The following RFX4 variants were observed in gnomAD, a reference collection of about 807,000 sequenced individuals.
RFX4 encodes the protein transcription factor RFX4.
In RFX4, 10 loss-of-function variants were observed where a neutral mutation model predicts 95.0. The ratio of observed to expected loss-of-function variants is 0.11; its 90% CI spans 0.06 to 0.18. The LOEUF is 0.18. Among genes scored for constraint, RFX4 ranks in the 10% least tolerant of loss-of-function variants. The pLI is 1.00. For missense variants in RFX4, 640 were observed against 922.0 expected (o/e 0.69, Z 3.96); for synonymous variants, 321 against 340.7 (o/e 0.94, Z 0.64).
chr12:106,718,132 TGGCTGGGATCCCTGG>T (rs2042327769), intron 11 of RFX4, among the ~76,000 whole-genome samples: 1 of 152,178 alleles, frequency 6.6e-6, no homozygotes, highest in African/African-American at 2.4e-5. Flanking sequence ...CAAGTTCTGT[TGGCTGGGATCCCTGG>T]GGCTGGGATG....
chr12:106,628,416 A>C (rs2040347688), intron 2 of RFX4, among the ~76,000 whole-genome samples: 1 of 152,194 alleles, frequency 6.6e-6, no homozygotes, highest in South Asian at 2.1e-4. Flanking sequence ...GGAAAACAAA[A>C]TAGACCATAA....
In RFX4 at chr12:106,720,629, C is replaced by T. The variant is rs373467664; in HGVS notation, c.1234-130C>T. On this transcript the variant is annotated intron_variant, in intron 12 of 17. Coordinates refer to ENST00000392842, the MANE Select transcript of RFX4 (RefSeq NM_213594.3). The surrounding 1 kb of genome is among the most constrained non-coding windows in gnomAD (Gnocchi z 4.2). ...AAACTCCTAGGCTCATGCGATCATCCGCCCACCTTGGCCTCCCAAAGTGCT... is the reference window on the plus strand; with the variant it reads ...AAACTCCTAGGCTCATGCGATCATCTGCCCACCTTGGCCTCCCAAAGTGCT... 29 of 810,206 alleles carry T rather than the reference C, an allele frequency of 3.6e-5. No individual in the cohort carries two copies. The highest frequency in any genetic ancestry group is 1.3e-4 in the East Asian group (5 of 39,226). The allele number at this position is 810,206 out of a possible 1,614,324, so 50.2% of individuals were successfully genotyped here.
At chr12:106,617,726 G>A (rs987509376) in intron 2 of RFX4, among the ~76,000 whole-genome samples, 2 of 151,716 alleles carry the variant, frequency 1.3e-5, no homozygotes, top group Non-Finnish European at 2.9e-5. Flanking sequence ...TACATTTTGG[G>A]TTTGTTGTTG....
intron 10 of RFX4, 138 bp from the exon 11 acceptor site, chr12:106,715,262 C>G: frequency 1.1e-6 from 1 of 941,908 alleles, no homozygotes; most frequent in Non-Finnish European, 1.5e-6. Flanking sequence ...CTGGTGCTTT[C>G]CTGAAATTGA....
rs371985974 is a variant in RFX4, at chr12:106,601,255, G to A, written c.44-7542G>A. ...GCCACCGGCAGGGAGCCAGGAGAGA[G>A]ACAGAAAGGGGCTGAGACAGAATGA... On this transcript the variant is annotated intron_variant, in intron 1 of 17. Transcript: ENST00000392842. The A allele has an allele frequency of 1.9e-6, 3 of 1,574,058 alleles. No homozygotes were observed. The Admixed American group carries it at 5.4e-5, about 28-fold the overall frequency.
chr12:106,704,991 A>C (rs1033731684), intron 8 of RFX4, among the ~76,000 whole-genome samples: 4 of 152,224 alleles, frequency 2.6e-5, no homozygotes, highest in Non-Finnish European at 4.4e-5. Flanking sequence ...GTCAAAGTGC[A>C]CAATGTGGTA....
rs1349443596 is a variant in RFX4, at chr12:106,586,241, G to A, written c.43+2878G>A. On this transcript the variant is annotated intron_variant, in intron 1 of 17. Coordinates refer to ENST00000392842, the MANE Select transcript of RFX4 (RefSeq NM_213594.3). The surrounding 1 kb of genome is among the most constrained non-coding windows in gnomAD (Gnocchi z 5.6). ...CGGTGCGCGGTTTGCAGTAAGCGCA[G>A]GCGCGCGTCCCGCTCGGCCCGCGCT... Among the ~76,000 whole-genome samples, 2 of 152,100 alleles carry A rather than the reference G, an allele frequency of 1.3e-5. No homozygotes were observed. Among genetic ancestry groups the A allele is most frequent in the Non-Finnish European group, 2.9e-5 (2 of 68,002 alleles).
rs921041535 is a variant in RFX4 at position 106,761,899 on chromosome 12, C to T, written c.*430C>T. On this transcript the variant is annotated 3_prime_UTR_variant, in exon 18 of 18. Coordinates refer to ENST00000392842, the MANE Select transcript of RFX4 (RefSeq NM_213594.3). ...TGTTCTTGGATGGGCACATAATTTA[C>T]CAAGAGCATTCACCTTGCCATCTGT... The T allele has an allele frequency of 6.5e-6, 1 of 153,420 alleles. No individual in the cohort carries two copies. Among genetic ancestry groups the T allele is most frequent in the Non-Finnish European group, 1.5e-5 (1 of 68,724 alleles). The allele number at this position is 153,420 out of a possible 1,614,324, so 9.5% of individuals were successfully genotyped here.
chr12:106,605,877 G>T (rs1399981380), intron 1 of RFX4, among the ~76,000 whole-genome samples: 2 of 152,194 alleles, frequency 1.3e-5, no homozygotes, highest in Admixed American at 6.5e-5. Context: ...ATCTGAGTGG[G>T]TGCAATGGGT....
chr12:106,699,971 G>A (rs575152628), intron 8 of RFX4, among the ~76,000 whole-genome samples: 28 of 151,788 alleles, frequency 1.8e-4, no homozygotes, highest in African/African-American at 6.8e-4. Context: ...TATTCCTCTT[G>A]TTGTGCCTAA....
At chr12:106,712,324 A>G (rs2042206308) in intron 10 of RFX4, among the ~76,000 whole-genome samples, 1 of 152,214 alleles carries the variant, frequency 6.6e-6, no homozygotes, top group South Asian at 2.1e-4. Flanking sequence ...ACTTGCTCCC[A>G]GAGTCCCATT....
chr12:106,748,728 C>T (rs545730684), intron 16 of RFX4, among the ~76,000 whole-genome samples: 124 of 151,820 alleles, frequency 8.2e-4, no homozygotes, highest in Admixed American at 4.8e-3. Context: ...GTGGGTGGAT[C>T]ACTTGTGGTC....
At chr12:106,600,722 C>A (rs1592836118) in intron 1 of RFX4, among the ~76,000 whole-genome samples, 1 of 152,138 alleles carries the variant, frequency 6.6e-6, no homozygotes, top group East Asian at 1.9e-4. Flanking sequence ...CTTTCTACCT[C>A]ATTTCCTGCT....
chr12:106,656,094 C>T (rs77767140), intron 4 of RFX4, among the ~76,000 whole-genome samples: 2,537 of 152,228 alleles, frequency 0.017, 81 homozygotes, highest in African/African-American at 0.058. Context: ...AGTTTAAGCG[C>T]ACGCCTTCAC....
In RFX4 at chr12:106,723,190, G is replaced by A. The variant is rs191955812; in HGVS notation, c.1351+2314G>A. Among the ~76,000 whole-genome samples, 4 of 152,258 alleles carry A rather than the reference G, an allele frequency of 2.6e-5. No homozygotes were observed. The East Asian group carries it at 7.7e-4, about 29-fold the overall frequency. On this transcript the variant is annotated intron_variant, in intron 13 of 17. Transcript: ENST00000392842. ...TCTCCTTAATTCTTTTTCACTGAAA[G>A]AACCTATGCTGTGAACTAAAGTAGC...
intron 6 of RFX4, among the ~76,000 whole-genome samples, chr12:106,688,558 AT>A (rs1413141538): frequency 6.6e-6 from 1 of 152,188 alleles, no homozygotes; most frequent in East Asian, 1.9e-4. Context: ...TTTATATAAA[AT>A]GCATGTCTAT....
At chr12:106,757,677 A>G (rs965742126) in intron 17 of RFX4, among the ~76,000 whole-genome samples, 6 of 152,142 alleles carry the variant, frequency 3.9e-5, no homozygotes, top group African/African-American at 1.2e-4. Context: ...GTGCAGTGAG[A>G]GCCGCCTTTC....
At chr12:106,637,889 A>C (rs745622810) in intron 2 of RFX4, among the ~76,000 whole-genome samples, 13 of 152,208 alleles carry the variant, frequency 8.5e-5, no homozygotes, top group Non-Finnish European at 1.5e-4. Context: ...CAATCTATTT[A>C]ATAATAGGCA....
chr12:106,601,304 G>T, intron 1 of RFX4: 1 of 1,595,618 alleles, frequency 6.3e-7, no homozygotes, highest in South Asian at 1.1e-5. Flanking sequence ...CCACCCTGGT[G>T]CGGGAGGCGA....
Sources: gnomAD v4.1 joint callset for allele counts (sites outside exome capture counted in the v4.1 genomes callset) on GRCh38, gnomAD v4.1.1 for gene constraint, Gnocchi (gnomAD v3.1) non-coding constraint, MANE v1.5 for transcripts, NCBI Gene and HGNC (gene_info 2026-07-23, HGNC 2026-07-21) for gene names.